COTL1: variants seen among roughly 807,000 people sequenced by gnomAD.
The protein encoded by COTL1 is coactosin like F-actin binding protein 1, also known as coactosin-like protein.
Under a neutral mutation model 16.5 loss-of-function variants are expected in COTL1, and 15 were observed. That is an observed-to-expected ratio of 0.91 (90% confidence interval 0.61 to 1.40). The LOEUF (loss-of-function observed/expected upper bound fraction) is 1.40, where lower values mean the gene tolerates loss of function less well. COTL1 is among the 40% of genes most tolerant of loss of function. The pLI is 0.00. For missense variants in COTL1, 220 were observed against 201.5 expected (o/e 1.09, Z -0.56); for synonymous variants, 112 against 85.3 (o/e 1.31, Z -1.73).
intron 2 of COTL1, among the ~76,000 whole-genome samples, chr16:84,599,909 G>C (rs1905076884): frequency 6.6e-6 from 1 of 152,222 alleles, no homozygotes; most frequent in Non-Finnish European, 1.5e-5. Context: ...CGCCATGGCA[G>C]CGGCTGGCTT....
At chr16:84,600,299 A>T (rs1190274948) in intron 2 of COTL1, among the ~76,000 whole-genome samples, 2 of 149,172 alleles carry the variant, frequency 1.3e-5, no homozygotes. Flanking sequence ...CTTATAGGGC[A>T]TGAATAAAGG....
intron 2 of COTL1, among the ~76,000 whole-genome samples, chr16:84,608,476 G>A (rs756129318): frequency 2.0e-5 from 3 of 152,160 alleles, no homozygotes; most frequent in African/African-American, 4.8e-5. Flanking sequence ...CGCCCCTGTG[G>A]ACACACAAAA....
intron 2 of COTL1, among the ~76,000 whole-genome samples, chr16:84,604,327 C>A (rs1467276536): frequency 8.1e-6 from 1 of 123,616 alleles, no homozygotes; most frequent in Non-Finnish European, 1.7e-5. Flanking sequence ...TCCCCTCCCA[C>A]GGCCCCCACC....
At chr16:84,591,840 A>C (rs1461672655) in intron 2 of COTL1, among the ~76,000 whole-genome samples, 17 of 92,828 alleles carry the variant, frequency 1.8e-4, no homozygotes, top group African/African-American at 9.5e-4. Flanking sequence ...AATAAAATAA[A>C]ATAAAATAAA....
At position 84,590,208 on chromosome 16, in the gene COTL1, T is replaced by C. The variant is rs368946007; in HGVS notation, c.215A>G (p.Lys72Arg). The C allele has an allele frequency of 3.1e-6, 5 of 1,614,190 alleles. No individual in the cohort carries two copies. Among genetic ancestry groups the C allele is most frequent in the East Asian group, 2.2e-5 (1 of 44,876 alleles). Residue 72 changes from lysine to arginine, a missense_variant, in exon 3 of 4, where the codon AAG becomes AGG. Coordinates refer to ENST00000262428, the MANE Select transcript of COTL1 (RefSeq NM_021149.5). The surrounding 1 kb of genome is among the most constrained non-coding windows in gnomAD (Gnocchi z 5.5). Reference protein sequence around the residue: ...VRFTTGDAMSKRSKFALITWI... With the variant: ...VRFTTGDAMSRRSKFALITWI... ...CGTGATGAGGGCAAACTTGGACCTC[T>C]TGCTCATGGCATCCCCGGTGGTGAA...
intron 3 of COTL1, among the ~76,000 whole-genome samples, chr16:84,573,219 T>C (rs1329702146): frequency 6.6e-6 from 1 of 152,262 alleles, no homozygotes; most frequent in Non-Finnish European, 1.5e-5. Context: ...TTCATTTCTT[T>C]TGAACCCAGC....
chr16:84,574,505 T>A (rs1160767507), intron 3 of COTL1, among the ~76,000 whole-genome samples: 2 of 152,246 alleles, frequency 1.3e-5, no homozygotes, highest in African/African-American at 4.8e-5. Context: ...AAGGGCCTCA[T>A]CCGACGAAGT....
At chr16:84,617,144 G>C (rs936887171) in intron 2 of COTL1, among the ~76,000 whole-genome samples, 3 of 150,230 alleles carry the variant, frequency 2.0e-5, no homozygotes, top group Non-Finnish European at 4.4e-5. Flanking sequence ...GTTCGTATTT[G>C]GGCTCAGTGA....
rs141309529 is a variant in COTL1 at position 84,587,872 on chromosome 16, A to G, written c.318+2233T>C. ...CTGCAACTTCCGCCTCCTGGTTTCAAGAGATTCTCCTGTCTCAGCCTCCTG... is the reference window on the plus strand; with the variant it reads ...CTGCAACTTCCGCCTCCTGGTTTCAGGAGATTCTCCTGTCTCAGCCTCCTG... On this transcript the variant is annotated intron_variant, in intron 3 of 3. Transcript: ENST00000262428. 6.4e-3 allele frequency among the ~76,000 whole-genome samples: 968 copies of G among 152,164 alleles called. 8 individuals are homozygous for G. Among genetic ancestry groups the G allele is most frequent in the African/African-American group, 0.021 (891 of 41,518 alleles).
chr16:84,605,989 C>A (rs1378682916), intron 2 of COTL1, among the ~76,000 whole-genome samples: 1 of 152,110 alleles, frequency 6.6e-6, no homozygotes, highest in Non-Finnish European at 1.5e-5. Context: ...ACCTAGAAGA[C>A]AAAGTAAGAA....
chr16:84,612,809 G>A (rs533957624), intron 2 of COTL1, among the ~76,000 whole-genome samples: 1 of 152,168 alleles, frequency 6.6e-6, no homozygotes, highest in South Asian at 2.1e-4. Context: ...CGTGGCCTGT[G>A]CTCTCATTTT....
At chr16:84,572,370 G>A (rs945907050) in intron 3 of COTL1, among the ~76,000 whole-genome samples, 1 of 152,186 alleles carries the variant, frequency 6.6e-6, no homozygotes, top group South Asian at 2.1e-4. Flanking sequence ...CAACACCCAC[G>A]GGGGCAGGGG....
Position 84,581,164 on chromosome 16 carries a change from A to ATGT in COTL1, c.318+8940_318+8941insACA, listed in dbSNP as rs1391540848. ...CTAAAAACAAACAAACAAACAAATA[A>ATGT]ATATATGTATGTATGTATGTATGTA... On this transcript the variant is annotated intron_variant, in intron 3 of 3. Transcript: ENST00000262428. 2.6e-3 allele frequency among the ~76,000 whole-genome samples: 381 copies of ATGT among 147,024 alleles called. 4 individuals are homozygous for ATGT. The highest frequency in any genetic ancestry group is 9.3e-3 in the African/African-American group (360 of 38,694).
At chr16:84,608,273 T>C (rs956706559) in intron 2 of COTL1, among the ~76,000 whole-genome samples, 1 of 152,190 alleles carries the variant, frequency 6.6e-6, no homozygotes, top group Non-Finnish European at 1.5e-5. Context: ...CTTCTGAATA[T>C]TTTCAAGGGA....
Position 84,617,682 on chromosome 16 carries a change from C to A in COTL1, c.78-99G>T, listed in dbSNP as rs73257529. On this transcript the variant is annotated intron_variant, in intron 1 of 3. Transcript: ENST00000262428. Reference sequence around the variant, plus strand: ...GACAATCTAACAGACGCGCTGGCCACGGAGAAGCCCGCGGGGGCCTGGCAC... The same window carrying A: ...GACAATCTAACAGACGCGCTGGCCAAGGAGAAGCCCGCGGGGGCCTGGCAC... The A allele has an allele frequency of 2.0e-3, 2,751 of 1,407,844 alleles. 37 individuals carry two copies. The African/African-American group carries it at 0.034, about 17-fold the overall frequency. The allele number at this position is 1,407,844 out of a possible 1,614,324, so 87.2% of individuals were successfully genotyped here.
Position 84,590,486 on chromosome 16 carries a change from A to G in COTL1, c.161-224T>C, listed in dbSNP as rs1904837268. On this transcript the variant is annotated intron_variant, in intron 2 of 3. Coordinates refer to ENST00000262428, the MANE Select transcript of COTL1 (RefSeq NM_021149.5). This position sits in a 1 kb window ranked among gnomAD's most constrained non-coding sequence, Gnocchi z 5.5. ...CAACAGTGCTGCAGGCTTCATGCCCATTTCACAGATGGGAAATGGAGATTC... is the reference window on the plus strand; with the variant it reads ...CAACAGTGCTGCAGGCTTCATGCCCGTTTCACAGATGGGAAATGGAGATTC... 2.5e-6 allele frequency: 1 copy of G among 404,058 alleles called. No homozygotes were observed. The highest frequency in any genetic ancestry group is 4.4e-6 in the Non-Finnish European group (1 of 226,900). 25.0% of individuals were successfully genotyped at this position (404,058 alleles called of 1,614,324 possible).
chr16:84,573,834 A>G (rs1904390221), intron 3 of COTL1, among the ~76,000 whole-genome samples: 1 of 151,568 alleles, frequency 6.6e-6, no homozygotes, highest in South Asian at 2.1e-4. Context: ...GTTTTACTCT[A>G]TGTAAATTGT....
chr16:84,604,687 C>G (rs1303992143), intron 2 of COTL1, among the ~76,000 whole-genome samples: 1 of 152,170 alleles, frequency 6.6e-6, no homozygotes, highest in Non-Finnish European at 1.5e-5. Flanking sequence ...AGCCCTCTCT[C>G]TGTCCCTCTG....
At chr16:84,603,213 C>T (rs760526783) in intron 2 of COTL1, among the ~76,000 whole-genome samples, 39 of 152,172 alleles carry the variant, frequency 2.6e-4, no homozygotes, top group Non-Finnish European at 4.3e-4. Context: ...CACTCCAGCC[C>T]GCAAGCCTGC....
Sources: gnomAD v4.1 joint callset for allele counts (sites outside exome capture counted in the v4.1 genomes callset) on GRCh38, gnomAD v4.1.1 for gene constraint, Gnocchi (gnomAD v3.1) non-coding constraint, MANE v1.5 for transcripts, NCBI Gene and HGNC (gene_info 2026-07-23, HGNC 2026-07-21) for gene names.